The following KCTD2 variants were observed in gnomAD, a reference collection of about 807,000 sequenced individuals.
KCTD2 encodes the protein potassium channel tetramerization domain containing 2.
KCTD2 carries 18 observed loss-of-function variants against 27.9 expected under a neutral mutation model. That is an observed-to-expected ratio of 0.64 (90% CI 0.45 to 0.96). The LOEUF (loss-of-function observed/expected upper bound fraction) is 0.96, where lower values mean the gene tolerates loss of function less well. Ranked by LOEUF, KCTD2 falls within the 40% of genes least tolerant of loss-of-function variation. The pLI is 0.00. For missense variants in KCTD2, 280 were observed against 348.0 expected (o/e 0.80, Z 1.56); for synonymous variants, 175 against 148.4 (o/e 1.18, Z -1.30).
chr17:75,063,101 T>A lies in KCTD2; in HGVS notation c.*54T>A. The stretch of plus-strand genomic sequence containing the variant: ...AGGAGAGCAGTCAGCAGAGCCCCTC[T>A]GTGAAGTGAAACCTCACTCCTGTCC... On this transcript the variant is annotated 3_prime_UTR_variant, in exon 6 of 6. Transcript: ENST00000322444. 6.4e-7 allele frequency: 1 copy of A among 1,557,952 alleles called. No homozygotes were observed. Among genetic ancestry groups the A allele is most frequent in the Non-Finnish European group, 8.8e-7 (1 of 1,130,558 alleles).
chr17:75,039,176 A>T (rs1182488655), intron 3 of KCTD2: 2 of 1,613,614 alleles, frequency 1.2e-6, no homozygotes, highest in Non-Finnish European at 1.7e-6. Flanking sequence ...GAGAGAACCC[A>T]TATTATAGGC....
Position 75,063,946 on chromosome 17 carries a change from G to A in KCTD2, c.*899G>A, listed in dbSNP as rs1567995819. The stretch of plus-strand genomic sequence containing the variant: ...CCCTTTGATGGCTTGGAGTGGGGAA[G>A]GCTGTTTCTTTGAAAGTTGCCAAAT... On this transcript the variant is annotated 3_prime_UTR_variant, in exon 6 of 6. Coordinates refer to ENST00000322444, the MANE Select transcript of KCTD2 (RefSeq NM_015353.3). 1 of 152,806 alleles carries A rather than the reference G, an allele frequency of 6.5e-6. No homozygotes were observed. The highest frequency in any genetic ancestry group is 2.1e-4 in the South Asian group (1 of 4,832). 9.5% of individuals were successfully genotyped at this position (152,806 alleles called of 1,614,324 possible).
intron 3 of KCTD2, among the ~76,000 whole-genome samples, chr17:75,058,197 G>A (rs1598127083): frequency 1.3e-5 from 2 of 152,162 alleles, no homozygotes; most frequent in African/African-American, 2.4e-5. Flanking sequence ...GGTGGTGGGC[G>A]GCTGTAATCC....
rs71361644 is a variant in KCTD2 at position 75,061,863 on chromosome 17, C to CG, written c.637-249dup. Among the ~76,000 whole-genome samples, 1,443 of 151,276 alleles carry CG rather than the reference C, an allele frequency of 9.5e-3. 11 individuals are homozygous for CG. The highest frequency in any genetic ancestry group is 0.011 in the Non-Finnish European group (751 of 67,792). ...GTGGGCATGTTAATCCTGCCGCTGACGGGGGGGGACTTCAGAGCTTGGGTG... is the reference window on the plus strand; with the variant it reads ...GTGGGCATGTTAATCCTGCCGCTGACGGGGGGGGGACTTCAGAGCTTGGGTG... On this transcript the variant is annotated intron_variant, in intron 4 of 5. Coordinates refer to ENST00000322444, the MANE Select transcript of KCTD2 (RefSeq NM_015353.3).
intron 3 of KCTD2, among the ~76,000 whole-genome samples, chr17:75,038,335 G>A (rs771699699): frequency 6.6e-6 from 1 of 152,040 alleles, no homozygotes; most frequent in Non-Finnish European, 1.5e-5. Flanking sequence ...TAGAGATGGG[G>A]TTTCACCATC....
intron 1 of KCTD2, chr17:75,048,970 C>G: frequency 3.0e-6 from 1 of 328,326 alleles, no homozygotes; most frequent in East Asian, 4.7e-5. Flanking sequence ...AAGTAAACGC[C>G]TAAATGAGTA....
chr17:75,056,504 T>A (rs960296961), intron 3 of KCTD2, among the ~76,000 whole-genome samples: 2 of 152,240 alleles, frequency 1.3e-5, no homozygotes, highest in Non-Finnish European at 2.9e-5. Flanking sequence ...ATAAGATTTC[T>A]GTTTGATGAC....
chr17:75,054,339 G>A (rs944157125), intron 3 of KCTD2, among the ~76,000 whole-genome samples: 4 of 152,130 alleles, frequency 2.6e-5, no homozygotes, highest in East Asian at 3.8e-4. Context: ...CTCAGATACA[G>A]TAACAAGAGC....
At chr17:75,047,205 CG>C, upstream of KCTD2, 1 of 529,920 alleles carries the variant, frequency 1.9e-6, no homozygotes, top group Non-Finnish European at 2.6e-6. Flanking sequence ...AGAAATGGGC[CG>C]GCCCGGCTGC....
chr17:75,050,125 A>G (rs992007986), intron 2 of KCTD2, among the ~76,000 whole-genome samples: 1 of 152,340 alleles, frequency 6.6e-6, no homozygotes, highest in Non-Finnish European at 1.5e-5. Flanking sequence ...TCAAACGCAT[A>G]CAGAAGTAAT....
chr17:75,049,281 A>G lies in KCTD2; in HGVS notation c.401A>G (p.Tyr134Cys). 1.2e-6 allele frequency: 2 copies of G among 1,613,742 alleles called. No homozygotes were observed. Among genetic ancestry groups the G allele is most frequent in the Middle Eastern group, 3.3e-4 (2 of 6,060 alleles). Residue 134 changes from tyrosine (Y) to cysteine (C), a missense_variant, in exon 2 of 6, where the codon TAC becomes TGC. By Grantham distance (194) the Tyr-to-Cys change is radical. Coordinates refer to ENST00000322444, the MANE Select transcript of KCTD2 (RefSeq NM_015353.3). ...ACCTACTTTGGTCCTATCCTCAACT[A>G]CCTCCGCCACGGGAAACTCATCATC... ...DPTYFGPILN[Y>C]LRHGKLIITK...
Position 75,032,923 on chromosome 17 carries a change from C to T in KCTD2, c.-470+199C>T, listed in dbSNP as rs2040078773. 6.6e-6 allele frequency: 1 copy of T among 152,152 alleles called. No homozygotes were observed. The highest frequency in any genetic ancestry group is 2.1e-4 in the South Asian group (1 of 4,826). 9.4% of individuals were successfully genotyped at this position (152,152 alleles called of 1,614,324 possible). A position where few individuals can be genotyped will look rare whatever the true frequency, so the allele number is the denominator to read the frequency against. On this transcript the variant is annotated intron_variant, in intron 1 of 7. Coordinates refer to the KCTD2 transcript ENST00000581589. The surrounding 1 kb of genome is among the most constrained non-coding windows in gnomAD (Gnocchi z 4.8). Reference sequence around the variant, plus strand: ...CAAGTGGGTTAAATCCTTCTTGCTGCTATTAAGGGGAGGAGACAGGTTTCT... The same window carrying T: ...CAAGTGGGTTAAATCCTTCTTGCTGTTATTAAGGGGAGGAGACAGGTTTCT...
At chr17:75,062,632 C>T (rs1018769916) in intron 5 of KCTD2, among the ~76,000 whole-genome samples, 3 of 150,904 alleles carry the variant, frequency 2.0e-5, no homozygotes, top group African/African-American at 7.3e-5. Context: ...ACCTTGGTGA[C>T]CTTTACCTCC....
chr17:75,035,376 C>G (rs1352996719), intron 3 of KCTD2: 1 of 152,152 alleles, frequency 6.6e-6, no homozygotes, highest in Non-Finnish European at 1.5e-5. Flanking sequence ...GGCCCCATTT[C>G]TTGTTGTCTC....
chr17:75,047,802 C>G (rs377237619), intron 1 of KCTD2, among the ~76,000 whole-genome samples: 1 of 152,254 alleles, frequency 6.6e-6, no homozygotes, highest in East Asian at 1.9e-4. Flanking sequence ...TTCTCCCCGA[C>G]CCCGCCCTTC....
chr17:75,054,674 A>G (rs2073331712), intron 3 of KCTD2, among the ~76,000 whole-genome samples: 1 of 152,014 alleles, frequency 6.6e-6, no homozygotes, highest in Non-Finnish European at 1.5e-5. Flanking sequence ...AGGCATGGTG[A>G]TGGGTGCCTG....
At chr17:75,039,828 C>T (rs1050574082) in intron 3 of KCTD2, 6 of 469,116 alleles carry the variant, frequency 1.3e-5, no homozygotes, top group Non-Finnish European at 2.3e-5. Context: ...CTCAACCATC[C>T]CCAGGCAGCC....
chr17:75,035,078 C>CA (rs1272055655), intron 2 of KCTD2, among the ~76,000 whole-genome samples: 1 of 152,056 alleles, frequency 6.6e-6, no homozygotes, highest in Non-Finnish European at 1.5e-5. Flanking sequence ...TAATGGCCAT[C>CA]AAATTGGCCT....
intron 3 of KCTD2, chr17:75,041,192 C>G (rs572327287): frequency 6.6e-6 from 1 of 152,098 alleles, no homozygotes; most frequent in Non-Finnish European, 1.5e-5. Context: ...AACCCCGTCT[C>G]TACCAAAAAT....
Sources: allele counts gnomAD v4.1 joint callset (sites outside exome capture counted in the v4.1 genomes callset), GRCh38; gene constraint gnomAD v4.1.1; non-coding constraint Gnocchi (gnomAD v3.1); transcripts MANE v1.5; gene names NCBI Gene and HGNC (gene_info 2026-07-23, HGNC 2026-07-21).